Variants in TENM2 observed in about 807,000 individuals in gnomAD.
TENM2 encodes the protein teneurin-2.
In TENM2, 52 loss-of-function variants were observed where a neutral mutation model predicts 245.2. That is an observed-to-expected ratio of 0.21 (90% confidence interval 0.17 to 0.27). The LOEUF is 0.27. Among genes scored for constraint, TENM2 ranks in the 10% least tolerant of loss-of-function variants. The pLI, the probability that TENM2 is intolerant of heterozygous loss-of-function variation, is 1.00. For missense variants in TENM2, 3,046 were observed against 3,666.8 expected, an observed-to-expected ratio of 0.83 and a Z score of 4.37; for synonymous variants, 1,363 against 1,438.9, an observed-to-expected ratio of 0.95 and a Z score of 1.19.
At chr5:167,686,423 AT>A (rs1757080173) in intron 2 of TENM2, among the ~76,000 whole-genome samples, 1 of 152,182 alleles carries the variant, frequency 6.6e-6, no homozygotes, top group Admixed American at 6.5e-5. Context: ...CAGGCATTGT[AT>A]TCTGCAACCC....
At chr5:167,278,266 T>A in the TENM2 span, among the ~76,000 whole-genome samples, 1 of 152,204 alleles carries the variant, frequency 6.6e-6, no homozygotes, top group Non-Finnish European at 1.5e-5. Context: ...ATTGTGCCAC[T>A]GCACTCCAGC....
intron 19 of TENM2, among the ~76,000 whole-genome samples, chr5:168,205,795 T>C (rs181319619): frequency 2.9e-4 from 44 of 151,664 alleles, no homozygotes; most frequent in African/African-American, 9.2e-4. Flanking sequence ...GCAATGGAGG[T>C]TGAAGTAGGG....
chr5:167,485,704 G>C (rs1044372113), intron 2 of TENM2, among the ~76,000 whole-genome samples: 1 of 151,992 alleles, frequency 6.6e-6, no homozygotes, highest in Non-Finnish European at 1.5e-5. Context: ...CCACTATGAC[G>C]CCAAATGCCT....
At chr5:167,783,888 C>T (rs577197157) in intron 2 of TENM2, among the ~76,000 whole-genome samples, 1 of 151,922 alleles carries the variant, frequency 6.6e-6, no homozygotes, top group Non-Finnish European at 1.5e-5. Context: ...TTGACCAGGG[C>T]CTTGGTCAAG....
chr5:168,071,020 G>A (rs1790972759), intron 7 of TENM2, among the ~76,000 whole-genome samples: 1 of 152,148 alleles, frequency 6.6e-6, no homozygotes, highest in Non-Finnish European at 1.5e-5. Context: ...TGGAACTGCT[G>A]TTGTTCCAGA....
intron 2 of TENM2, among the ~76,000 whole-genome samples, chr5:167,781,061 A>C (rs1280618103): frequency 6.6e-6 from 1 of 152,168 alleles, no homozygotes; most frequent in Non-Finnish European, 1.5e-5. Flanking sequence ...TTGTAATCCA[A>C]GCACTTTGGG....
intron 3 of TENM2, among the ~76,000 whole-genome samples, chr5:167,906,549 T>A (rs1315682929): frequency 6.6e-6 from 1 of 152,144 alleles, no homozygotes; most frequent in African/African-American, 2.4e-5. Context: ...TTTGAAGCAA[T>A]CACCTGCACC....
At chr5:168,245,571 G>GT (rs1766481384) in intron 26 of TENM2, among the ~76,000 whole-genome samples, 3 of 110,092 alleles carry the variant, frequency 2.7e-5, no homozygotes, top group Admixed American at 1.9e-4. Flanking sequence ...TGGAGTGGCG[G>GT]TAAAAAAAAA....
chr5:167,314,084 G>C (rs1180770918), intron 1 of TENM2, among the ~76,000 whole-genome samples: 2 of 152,160 alleles, frequency 1.3e-5, no homozygotes. Context: ...TTGCCATATA[G>C]AGTGGCAAAT....
At chr5:167,413,308 T>C (rs774222864) in intron 2 of TENM2, among the ~76,000 whole-genome samples, 10 of 152,058 alleles carry the variant, frequency 6.6e-5, no homozygotes, top group Non-Finnish European at 1.2e-4. Context: ...GATTGAGTAA[T>C]GAAATACGAT....
chr5:168,024,634 G>A (rs774969295), intron 5 of TENM2, among the ~76,000 whole-genome samples: 6 of 152,188 alleles, frequency 3.9e-5, no homozygotes, highest in Non-Finnish European at 7.3e-5. Flanking sequence ...CAGCACAGAC[G>A]CTTGTTTCCT....
At chr5:168,041,958 A>G (rs1788228450) in intron 5 of TENM2, among the ~76,000 whole-genome samples, 1 of 152,360 alleles carries the variant, frequency 6.6e-6, no homozygotes, top group South Asian at 2.1e-4. Context: ...CAGGGTAAGC[A>G]GTTGTGCATG....
At chr5:168,063,927 C>T (rs887003337) in intron 7 of TENM2, among the ~76,000 whole-genome samples, 7 of 152,062 alleles carry the variant, frequency 4.6e-5, no homozygotes, top group South Asian at 2.1e-4. Context: ...CTATAGGGAC[C>T]AATATGTAAT....
At chr5:168,128,082 CTG>C (rs1438676947) in intron 12 of TENM2, among the ~76,000 whole-genome samples, 1 of 152,334 alleles carries the variant, frequency 6.6e-6, no homozygotes, top group Non-Finnish European at 1.5e-5. Flanking sequence ...TGGACTGACT[CTG>C]TATTCGATTT....
Position 168,195,031 on chromosome 5 carries a change from G to A in TENM2, c.2781-145G>A, listed in dbSNP as rs142435674. 5.9e-5 allele frequency: 56 copies of A among 952,778 alleles called. No individual in the cohort carries two copies. In the East Asian group the frequency reaches 1.4e-3, roughly 24 times the overall value. 59.0% of individuals were successfully genotyped at this position (952,778 alleles called of 1,614,324 possible). ...TGGATTTCACCCCAAAATGTCACTA[G>A]CGTGATTGTGCAAAGCCAGAAGTTA... On this transcript the variant is annotated intron_variant, in intron 14 of 28. Coordinates refer to ENST00000518659, the Ensembl canonical transcript of TENM2.
intron 2 of TENM2, among the ~76,000 whole-genome samples, chr5:167,753,691 A>G (rs1441280557): frequency 6.6e-6 from 1 of 152,206 alleles, no homozygotes; most frequent in East Asian, 1.9e-4. Context: ...ATTTGAACTC[A>G]TGAATGTCCT....
intron 2 of TENM2, among the ~76,000 whole-genome samples, chr5:167,865,780 A>AG (rs1303062955): frequency 1.3e-5 from 2 of 152,210 alleles, no homozygotes; most frequent in East Asian, 3.8e-4. Context: ...AAGGAAAAAA[A>AG]CATACATTTA....
In TENM2 at chr5:167,511,237, A is replaced by G. The variant is rs373471107; in HGVS notation, c.502+135764A>G. On this transcript the variant is annotated intron_variant, in intron 2 of 28. Transcript: ENST00000518659. ...ATTGATTGTCCTCCAAGGAGGACAG[A>G]TAAAAGACTGGGAAATCAGAGTAAA... Among the ~76,000 whole-genome samples, 6 of 152,312 alleles carry G rather than the reference A, an allele frequency of 3.9e-5. No individual in the cohort carries two copies. In the East Asian group the frequency reaches 1.2e-3, roughly 29 times the overall value.
chr5:167,906,856 G>A (rs151308555), intron 3 of TENM2, among the ~76,000 whole-genome samples: 54 of 152,260 alleles, frequency 3.5e-4, no homozygotes, highest in African/African-American at 1.3e-3. Context: ...GGAGTGGGGA[G>A]GAGCAGATAT....
Sources: gnomAD v4.1 joint callset for allele counts (sites outside exome capture counted in the v4.1 genomes callset) on GRCh38, gnomAD v4.1.1 for gene constraint, MANE v1.5 for transcripts, NCBI Gene and HGNC (gene_info 2026-07-23, HGNC 2026-07-21) for gene names.